The following PCDHGB5 variants were observed in gnomAD, a reference collection of about 807,000 sequenced individuals.
PCDHGB5 encodes the protein protocadherin gamma-B5.
PCDHGB5 carries 48 observed loss-of-function variants against 62.9 expected under a neutral mutation model. The ratio of observed to expected loss-of-function variants is 0.76; its 90% confidence interval spans 0.61 to 0.97. PCDHGB5 has a LOEUF of 0.97. Ranked by LOEUF, PCDHGB5 falls within the 50% of genes least tolerant of loss-of-function variation. The probability of loss-of-function intolerance (pLI) is 0.00; values close to 1 mark genes in which losing one functional copy is unlikely to be tolerated. For synonymous variants in PCDHGB5, 474 were observed against 511.2 expected (o/e 0.93, Z 0.98); for missense variants, 1,118 against 1,198.6 (o/e 0.93, Z 0.99).
intron 1 of PCDHGB5, among the ~76,000 whole-genome samples, chr5:141,436,701 A>C (rs571525375): frequency 6.9e-4 from 105 of 152,332 alleles, no homozygotes; most frequent in Non-Finnish European, 9.4e-4. Context: ...ATGCCAGCAC[A>C]CTCGATGTTC....
rs778579612 is a variant in PCDHGB5 at position 141,399,488 on chromosome 5, TAGTC to T, written c.1365_1368del (p.Ser456TyrfsTer23). 7.4e-6 allele frequency: 12 copies of T among 1,613,904 alleles called. No individual in the cohort carries two copies. Among genetic ancestry groups the T allele is most frequent in the Admixed American group, 1.7e-5 (1 of 60,012 alleles). The stretch of plus-strand genomic sequence containing the variant: ...CCGGTTTTCCACCAGGCGTCCTACT[TAGTC>T]AGTGTACCCGAAAACAACCCTCCTG... On this transcript the variant is annotated frameshift_variant, in exon 1 of 4. Coordinates refer to ENST00000617380, the MANE Select transcript of PCDHGB5 (RefSeq NM_018925.3). LOFTEE classifies it high-confidence loss of function.
chr5:141,478,013 C>G (rs768425714), intron 1 of PCDHGB5: 6 of 1,614,136 alleles, frequency 3.7e-6, no homozygotes. Flanking sequence ...TACTGCCCGT[C>G]CAGTCCAAGA....
Position 141,485,954 on chromosome 5 carries a change from C to T in PCDHGB5, c.2398-8853C>T, listed in dbSNP as rs2154580519. The T allele has an allele frequency of 6.2e-7, 1 of 1,614,190 alleles. No individual in the cohort carries two copies. The highest frequency in any genetic ancestry group is 8.5e-7 in the Non-Finnish European group (1 of 1,180,038). ...GGAGAGCGCACCAGCGGGCATGGTG[C>T]TCATCCAGCTCAATGCCTCAGACCC... On this transcript the variant is annotated intron_variant, in intron 1 of 3. Coordinates refer to ENST00000617380, the MANE Select transcript of PCDHGB5 (RefSeq NM_018925.3). The surrounding 1 kb of genome is among the most constrained non-coding windows in gnomAD (Gnocchi z 5.7).
Position 141,477,289 on chromosome 5 carries a change from T to G in PCDHGB5, c.2398-17518T>G, listed in dbSNP as rs759477848. On this transcript the variant is annotated intron_variant, in intron 1 of 3. Coordinates refer to ENST00000617380, the MANE Select transcript of PCDHGB5 (RefSeq NM_018925.3). The surrounding 1 kb of genome is among the most constrained non-coding windows in gnomAD (Gnocchi z 4.9). ...AGAACGGGCTGGTGACCTGCGAAGT[T>G]CCACCGGGTCTCCCTTTCAGCCTTA... The G allele has an allele frequency of 3.2e-5, 52 of 1,614,046 alleles. No individual in the cohort carries two copies. Among genetic ancestry groups the G allele is most frequent in the Non-Finnish European group, 4.2e-5 (50 of 1,180,040 alleles).
chr5:141,428,119 C>CCGGGCTTTTCAGCCTGGGGCTGCACA, intron 1 of PCDHGB5: 1 of 1,606,630 alleles, frequency 6.2e-7, no homozygotes, highest in Non-Finnish European at 8.5e-7. Context: ...GCCATCGAGC[C>CCGGGCTTTTCAGCCTGGGGCTGCACA]CGGGCTTTTC....
At chr5:141,417,972 C>T (rs2154547391) in intron 1 of PCDHGB5, 2 of 1,613,830 alleles carry the variant, frequency 1.2e-6, no homozygotes, top group Admixed American at 1.7e-5. Flanking sequence ...TACTCGATTC[C>T]GGAGGAGCTG....
chr5:141,410,820 T>A (rs1032991309), intron 1 of PCDHGB5: 14 of 524,668 alleles, frequency 2.7e-5, no homozygotes, highest in Non-Finnish European at 4.1e-5. Context: ...TAAAATAATG[T>A]CACCAGACTG....
chr5:141,428,040 G>T, intron 1 of PCDHGB5: 1 of 1,608,668 alleles, frequency 6.2e-7, no homozygotes, highest in Non-Finnish European at 8.5e-7. Flanking sequence ...CGGCTACCTG[G>T]TGACCAAGGT....
chr5:141,423,777 T>A, intron 1 of PCDHGB5: 1 of 1,159,844 alleles, frequency 8.6e-7, no homozygotes, highest in Non-Finnish European at 1.1e-6. Flanking sequence ...GGCATATATT[T>A]AGTTCATATA....
Position 141,493,508 on chromosome 5 carries a change from C to T in PCDHGB5, c.2398-1299C>T, listed in dbSNP as rs2099748607. 1.3e-5 allele frequency among the ~76,000 whole-genome samples: 2 copies of T among 152,284 alleles called. No homozygotes were observed. The highest frequency in any genetic ancestry group is 4.1e-4 in the South Asian group (2 of 4,820). On this transcript the variant is annotated intron_variant, in intron 1 of 3. Transcript: ENST00000617380. The surrounding 1 kb of genome is among the most constrained non-coding windows in gnomAD (Gnocchi z 4.3). Reference sequence around the variant, plus strand: ...TCTTCTGTGGCTCCTCATTTCTGAGCAGTCCCCGCAGCGCAAACTTGGCCA... The same window carrying T: ...TCTTCTGTGGCTCCTCATTTCTGAGTAGTCCCCGCAGCGCAAACTTGGCCA...
At chr5:141,505,081 G>A (rs2099843521) in intron 2 of PCDHGB5, among the ~76,000 whole-genome samples, 3 of 152,146 alleles carry the variant, frequency 2.0e-5, no homozygotes, top group Admixed American at 2.0e-4. Flanking sequence ...AGAATCGCTT[G>A]AACCCAGGAG....
At chr5:141,403,334 G>T (rs2094392979) in intron 1 of PCDHGB5, 2 of 1,613,972 alleles carry the variant, frequency 1.2e-6, no homozygotes, top group Non-Finnish European at 1.7e-6. Flanking sequence ...TGATATTAAC[G>T]ACAGCGCCCC....
rs754433753 is a variant in PCDHGB5 at position 141,399,914 on chromosome 5, A to G, written c.1787A>G (p.His596Arg). Residue 596 changes from histidine (H) to arginine (R), a missense_variant, in exon 1 of 4, where the codon CAC (histidine) becomes CGC (arginine). This residue lies in a region of PCDHGB5 where 1,034 missense variants were observed against 1,029.1 expected (regional missense o/e 1.00). Transcript: ENST00000617380. ...GTGGCCGTGGACGCAGACTCAGGACACAACGCCTGGCTGTCCTACCACGTG... is the reference window on the plus strand; with the variant it reads ...GTGGCCGTGGACGCAGACTCAGGACGCAACGCCTGGCTGTCCTACCACGTG... ...KVVAVDADSG[H>R]NAWLSYHVLQ... The G allele has an allele frequency of 2.7e-5, 44 of 1,612,236 alleles. No homozygotes were observed. In the Admixed American group the frequency reaches 7.3e-4, roughly 27 times the overall value.
In PCDHGB5 at chr5:141,431,561, G is replaced by T; in HGVS notation, c.2397+31037G>T. The T allele has an allele frequency of 6.2e-7, 1 of 1,614,146 alleles. No homozygotes were observed. On this transcript the variant is annotated intron_variant, in intron 1 of 3. Transcript: ENST00000617380. This position sits in a 1 kb window ranked among gnomAD's most constrained non-coding sequence, Gnocchi z 4.8. Reference sequence around the variant, plus strand: ...GCAGCTGCTTGTAGTCAACGCTACCGACCCTGACGAAGGAGTCAATGCGGA... The same window carrying T: ...GCAGCTGCTTGTAGTCAACGCTACCTACCCTGACGAAGGAGTCAATGCGGA...
chr5:141,408,873 CCACCG>C (rs776180805), intron 1 of PCDHGB5: 50 of 1,613,104 alleles, frequency 3.1e-5, no homozygotes, highest in Non-Finnish European at 4.1e-5. Context: ...CCAAGAAGTG[CCACCG>C]CTCACATAGA....
chr5:141,421,567 A>G (rs1202908091), intron 1 of PCDHGB5: 27 of 1,613,972 alleles, frequency 1.7e-5, no homozygotes, highest in Non-Finnish European at 2.2e-5. Context: ...CGTGGAAGAC[A>G]CCTTGAAGAT....
intron 1 of PCDHGB5, chr5:141,413,855 C>A: frequency 3.7e-6 from 6 of 1,613,324 alleles, no homozygotes; most frequent in Non-Finnish European, 5.1e-6. Flanking sequence ...CCTCTCCGAT[C>A]TGGCACTGTC....
chr5:141,447,919 C>G (rs940570932), intron 1 of PCDHGB5, among the ~76,000 whole-genome samples: 2 of 152,012 alleles, frequency 1.3e-5, no homozygotes, highest in East Asian at 1.9e-4. Context: ...AACTCTGTCT[C>G]CACTAAAAAT....
Position 141,477,413 on chromosome 5 carries a change from G to A in PCDHGB5, c.2398-17394G>A. ...CCTCAGCATCACCGCCCGAGACGCC[G>A]GAACCCCTTCCCTCTCAGCCCTTAC... On this transcript the variant is annotated intron_variant, in intron 1 of 3. Transcript: ENST00000617380. This position sits in a 1 kb window ranked among gnomAD's most constrained non-coding sequence, Gnocchi z 4.9. 1 of 1,614,080 alleles carries A rather than the reference G, an allele frequency of 6.2e-7. No individual in the cohort carries two copies. Among genetic ancestry groups the A allele is most frequent in the Non-Finnish European group, 8.5e-7 (1 of 1,180,026 alleles).
Sources: gnomAD v4.1 joint callset for allele counts (sites outside exome capture counted in the v4.1 genomes callset) on GRCh38, gnomAD v4.1.1 for gene constraint, gnomAD v4.1.1 regional missense constraint, Gnocchi (gnomAD v3.1) non-coding constraint, MANE v1.5 for transcripts, NCBI Gene and HGNC (gene_info 2026-07-23, HGNC 2026-07-21) for gene names.